The following RABGAP1L variants were observed in gnomAD, a reference collection of about 807,000 sequenced individuals.
RABGAP1L encodes the protein rab GTPase-activating protein 1-like.
In RABGAP1L, 63 loss-of-function variants were observed where a neutral mutation model predicts 137.7. The ratio of observed to expected loss-of-function variants is 0.46; its 90% CI spans 0.37 to 0.56. RABGAP1L has a LOEUF of 0.56. Ranked by LOEUF, RABGAP1L falls within the 20% of genes least tolerant of loss-of-function variation. RABGAP1L has a pLI of 0.00. For synonymous variants in RABGAP1L, 431 were observed against 433.7 expected (o/e 0.99, Z 0.08); for missense variants, 1,095 against 1,244.0 (o/e 0.88, Z 1.80).
At chr1:174,809,534 T>C (rs1689657373) in intron 18 of RABGAP1L, among the ~76,000 whole-genome samples, 1 of 152,184 alleles carries the variant, frequency 6.6e-6, no homozygotes, top group African/African-American at 2.4e-5. Context: ...ATTAGAAAAT[T>C]AGATAACTAT....
chr1:174,597,050 A>G (rs1474303965), intron 13 of RABGAP1L, among the ~76,000 whole-genome samples: 1 of 152,214 alleles, frequency 6.6e-6, no homozygotes, highest in Non-Finnish European at 1.5e-5. Flanking sequence ...CCATCCTTAC[A>G]TCCTGGGGAT....
chr1:174,367,290 G>A (rs1446744728), intron 11 of RABGAP1L: 1 of 153,012 alleles, frequency 6.5e-6, no homozygotes, highest in African/African-American at 2.4e-5. Context: ...AAAGAATGAA[G>A]GTATAGCAGT....
intron 7 of RABGAP1L, among the ~76,000 whole-genome samples, chr1:174,269,734 T>C (rs1674398739): frequency 1.3e-5 from 2 of 152,192 alleles, no homozygotes; most frequent in South Asian, 4.1e-4. Flanking sequence ...CTTCTATACT[T>C]TGTTGATATT....
intron 14 of RABGAP1L, among the ~76,000 whole-genome samples, chr1:174,653,592 G>C (rs1001382180): frequency 6.6e-6 from 1 of 152,060 alleles, no homozygotes; most frequent in Non-Finnish European, 1.5e-5. Flanking sequence ...GGTTGCCCCC[G>C]TACCCACTGT....
chr1:174,622,409 G>C (rs60885521), intron 13 of RABGAP1L, among the ~76,000 whole-genome samples: 9 of 152,144 alleles, frequency 5.9e-5, no homozygotes, highest in Non-Finnish European at 1.3e-4. Flanking sequence ...GCACACGTAT[G>C]TTTATTGCGG....
At chr1:174,496,372 A>G (rs1024175377) in intron 13 of RABGAP1L, among the ~76,000 whole-genome samples, 1 of 152,186 alleles carries the variant, frequency 6.6e-6, no homozygotes. Context: ...AGTAATAGTG[A>G]AAACAGTCAG....
intron 1 of RABGAP1L, among the ~76,000 whole-genome samples, chr1:174,217,869 T>G (rs556502296): frequency 6.6e-6 from 1 of 152,320 alleles, no homozygotes; most frequent in African/African-American, 2.4e-5. Context: ...TCATTCTTTT[T>G]ATTGCCAAGA....
chr1:174,803,055 TTA>T (rs1281202860), intron 18 of RABGAP1L, among the ~76,000 whole-genome samples: 1 of 152,176 alleles, frequency 6.6e-6, no homozygotes, highest in African/African-American at 2.4e-5. Flanking sequence ...TAAGATCCCA[TTA>T]TTTTTTTTTC....
rs117155713 is a variant in RABGAP1L, at chr1:174,713,444, G to T, written c.2169+11188G>T. ...TGAGGCCTTGTGGGAGGTATTGGATGATGGGGGCAGATCTTTCATGAATGG... is the reference window on the plus strand; with the variant it reads ...TGAGGCCTTGTGGGAGGTATTGGATTATGGGGGCAGATCTTTCATGAATGG... On this transcript the variant is annotated intron_variant, in intron 17 of 25. Coordinates refer to ENST00000681986, the MANE Select transcript of RABGAP1L (RefSeq NM_001366446.1). 3.1e-3 allele frequency among the ~76,000 whole-genome samples: 466 copies of T among 152,300 alleles called. 14 individuals are homozygous for T. The East Asian group carries it at 0.083, about 27-fold the overall frequency.
chr1:174,471,286 A>G (rs529594873), intron 13 of RABGAP1L, among the ~76,000 whole-genome samples: 58 of 152,318 alleles, frequency 3.8e-4, no homozygotes, highest in African/African-American at 1.3e-3. Flanking sequence ...ATTTCTTTCT[A>G]ATTCAAGCCT....
intron 12 of RABGAP1L, among the ~76,000 whole-genome samples, chr1:174,383,335 G>A (rs1264421169): frequency 1.3e-5 from 2 of 151,560 alleles, no homozygotes; most frequent in South Asian, 4.2e-4. Flanking sequence ...GAGCTTCCTG[G>A]CTGCTTTGTT....
rs374904696 is a variant in RABGAP1L, at chr1:174,682,987, C to T, written c.1825-535C>T. On this transcript the variant is annotated intron_variant, in intron 14 of 25. Coordinates refer to ENST00000681986, the MANE Select transcript of RABGAP1L (RefSeq NM_001366446.1). The stretch of plus-strand genomic sequence containing the variant: ...GGTATAGATTGGAGAACCATTTTTA[C>T]TCTTCAGCCTTCATGGAAAATGGCA... 1.3e-4 allele frequency among the ~76,000 whole-genome samples: 20 copies of T among 151,262 alleles called. No individual in the cohort carries two copies. In the East Asian group the frequency reaches 2.7e-3, roughly 21 times the overall value.
intron 1 of RABGAP1L, among the ~76,000 whole-genome samples, chr1:174,179,118 C>T (rs1245643647): frequency 1.3e-5 from 2 of 151,892 alleles, no homozygotes. Context: ...CTGTGTTGCC[C>T]AGGCTGTACT....
chr1:174,705,149 A>C (rs1376056739), intron 17 of RABGAP1L: 1 of 152,120 alleles, frequency 6.6e-6, no homozygotes. Context: ...GAATAAAATT[A>C]ATGTGCTTAA....
At chr1:174,607,480 T>A (rs940169913) in intron 13 of RABGAP1L, among the ~76,000 whole-genome samples, 7 of 152,152 alleles carry the variant, frequency 4.6e-5, no homozygotes, top group Admixed American at 1.3e-4. Flanking sequence ...GACATTCCTC[T>A]GGTGGCAAAA....
At chr1:174,212,177 A>G (rs1176617105) in intron 1 of RABGAP1L, among the ~76,000 whole-genome samples, 2 of 152,008 alleles carry the variant, frequency 1.3e-5, no homozygotes, top group Non-Finnish European at 2.9e-5. Flanking sequence ...AAGAATACAT[A>G]TTTTTTTCCT....
intron 13 of RABGAP1L, among the ~76,000 whole-genome samples, chr1:174,504,954 T>C (rs889252109): frequency 6.6e-6 from 1 of 152,148 alleles, no homozygotes; most frequent in Non-Finnish European, 1.5e-5. Context: ...GTGCAAATAT[T>C]TGCCAACCAT....
chr1:174,702,092 A>C, intron 16 of RABGAP1L, 21 bp from the exon 17 acceptor site: 2 of 1,601,836 alleles, frequency 1.2e-6, no homozygotes, highest in Non-Finnish European at 1.7e-6. Flanking sequence ...TTGCTCCTAA[A>C]TTTTCCACTT....
intron 15 of RABGAP1L, among the ~76,000 whole-genome samples, chr1:174,697,094 T>A (rs910770365): frequency 4.6e-5 from 7 of 152,244 alleles, no homozygotes; most frequent in Admixed American, 3.9e-4. Context: ...TACCTTTATC[T>A]CTGTATCCCT....
Sources: gnomAD v4.1 joint callset for allele counts (sites outside exome capture counted in the v4.1 genomes callset) on GRCh38, gnomAD v4.1.1 for gene constraint, MANE v1.5 for transcripts, NCBI Gene and HGNC (gene_info 2026-07-23, HGNC 2026-07-21) for gene names.